SEMA4F: variants seen among roughly 807,000 people sequenced by gnomAD.
SEMA4F encodes semaphorin-4F.
SEMA4F carries 51 observed loss-of-function variants against 78.4 expected under a neutral mutation model. The observed-to-expected ratio is 0.65, with a 90% confidence interval of 0.52 to 0.82. The LOEUF (loss-of-function observed/expected upper bound fraction) is 0.82, where lower values mean the gene tolerates loss of function less well. Ranked by LOEUF, SEMA4F falls within the 40% of genes least tolerant of loss-of-function variation. The pLI is 0.00. For synonymous variants in SEMA4F, 418 were observed against 408.7 expected (o/e 1.02, Z -0.27); for missense variants, 938 against 1,014.4 (o/e 0.92, Z 1.02).
downstream of SEMA4F, among the ~76,000 whole-genome samples, chr2:74,684,113 C>A (rs1685756376): frequency 2.7e-5 from 4 of 148,554 alleles, no homozygotes; most frequent in South Asian, 8.5e-4. Context: ...TTTAACCAGA[C>A]AAAGCCTATG....
At chr2:74,654,874 C>T (rs1684041694) in intron 1 of SEMA4F, among the ~76,000 whole-genome samples, 1 of 152,188 alleles carries the variant, frequency 6.6e-6, no homozygotes, top group Non-Finnish European at 1.5e-5. Flanking sequence ...TGCCCGAGGT[C>T]GTTCATTTCG....
chr2:74,665,741 A>T (rs186904804), intron 5 of SEMA4F, among the ~76,000 whole-genome samples: 1 of 152,058 alleles, frequency 6.6e-6, no homozygotes, highest in Non-Finnish European at 1.5e-5. Context: ...TAGGTTTTTA[A>T]TCAACATCTT....
chr2:74,694,024 A>T, the SEMA4F span, among the ~76,000 whole-genome samples: 6 of 152,320 alleles, frequency 3.9e-5, no homozygotes, highest in Middle Eastern at 3.4e-3. Context: ...TTAGAGATAG[A>T]TTACTAACAG....
chr2:74,659,079 A>G (rs1684304144), intron 4 of SEMA4F, among the ~76,000 whole-genome samples: 1 of 152,128 alleles, frequency 6.6e-6, no homozygotes, highest in African/African-American at 2.4e-5. Context: ...AATGCAGGTG[A>G]TACACACTCC....
At chr2:74,659,646 AC>A in intron 4 of SEMA4F, among the ~76,000 whole-genome samples, 1 of 152,214 alleles carries the variant, frequency 6.6e-6, no homozygotes, top group South Asian at 2.1e-4. Flanking sequence ...AACTCTGGTA[AC>A]CCTTTGAGCC....
the SEMA4F span, among the ~76,000 whole-genome samples, chr2:74,698,468 C>T: frequency 3.3e-5 from 5 of 152,186 alleles, no homozygotes; most frequent in African/African-American, 9.7e-5. Context: ...GACAGCAATT[C>T]TTGTCTTCTG....
At chr2:74,688,535 C>G (rs150139), downstream of SEMA4F, among the ~76,000 whole-genome samples, 2 of 152,220 alleles carry the variant, frequency 1.3e-5, no homozygotes, top group Non-Finnish European at 2.9e-5. Context: ...AAATAATACA[C>G]ATGATTAATA....
downstream of SEMA4F, among the ~76,000 whole-genome samples, chr2:74,685,130 CCTTT>C (rs939895199): frequency 6.6e-6 from 1 of 152,230 alleles, no homozygotes; most frequent in Non-Finnish European, 1.5e-5. Flanking sequence ...TACTTCCTCT[CCTTT>C]CTTCTGTCTC....
At position 74,654,492 on chromosome 2, in the gene SEMA4F, C is replaced by T. The variant is rs1462010333; in HGVS notation, c.116C>T (p.Ser39Leu). 7 of 1,574,944 alleles carry T rather than the reference C, an allele frequency of 4.4e-6. No homozygotes were observed. Among genetic ancestry groups the T allele is most frequent in the Non-Finnish European group, 6.0e-6 (7 of 1,164,728 alleles). The change falls in exon 1 of 14, where the codon TCG becomes TTG. Residue 39 changes from serine (S) to leucine (L), a missense_variant. Ser to Leu is a moderately radical substitution (Grantham distance 145). Coordinates refer to ENST00000357877, the MANE Select transcript of SEMA4F (RefSeq NM_004263.5). ...CCGGTATCCGGCCGCGTCCCCCGCT[C>T]GGTGCCCAGAACCTCGCTTCCAATC... ...SGPVSGRVPR[S>L]VPRTSLPISE...
chr2:74,674,615 G>A lies in SEMA4F; in HGVS notation c.940G>A (p.Val314Met). ...CTCCAGTGTCCTGCAGGATGTTGCT[G>A]TGCTTCGACCTGAGCTTGGGGCAGG... is the stretch of plus-strand genomic sequence containing the variant. ...RASSVLQDVAVLRPELGAGTP... is the reference protein window; with the variant it reads ...RASSVLQDVAMLRPELGAGTP... The change falls in exon 8 of 14, where the codon GTG (valine) becomes ATG (methionine). Residue 314 changes from valine (V) to methionine (M), a missense_variant. By Grantham distance (21) the Val-to-Met change is conservative. Transcript: ENST00000357877. 6.2e-7 allele frequency: 1 copy of A among 1,614,148 alleles called. No homozygotes were observed. Among genetic ancestry groups the A allele is most frequent in the Non-Finnish European group, 8.5e-7 (1 of 1,180,022 alleles).
chr2:74,701,107 T>C, the SEMA4F span, among the ~76,000 whole-genome samples: 2 of 152,088 alleles, frequency 1.3e-5, no homozygotes, highest in Non-Finnish European at 2.9e-5. Flanking sequence ...GCTGCCTTGC[T>C]TGTGGGAGAG....
Position 74,680,395 on chromosome 2 carries a change from A to AT in SEMA4F, c.*188dup. On this transcript the variant is annotated 3_prime_UTR_variant, in exon 14 of 14. Transcript: ENST00000357877. The stretch of plus-strand genomic sequence containing the variant: ...GGGCTTGGGGCCAGACCTTTGCCTG[A>AT]TTCCTGATTCCCATGAGAAATCAGA... 1.7e-6 allele frequency: 1 copy of AT among 591,554 alleles called. No homozygotes were observed. The highest frequency in any genetic ancestry group is 2.8e-6 in the Non-Finnish European group (1 of 361,604). The allele number at this position is 591,554 out of a possible 1,614,324, so 36.6% of individuals were successfully genotyped here.
At chr2:74,665,907 T>G (rs952911830) in intron 5 of SEMA4F, among the ~76,000 whole-genome samples, 62 of 152,094 alleles carry the variant, frequency 4.1e-4, no homozygotes, top group Middle Eastern at 3.4e-3. Flanking sequence ...TTTTTGTTTT[T>G]TTTTTTTTTT....
chr2:74,659,734 C>T (rs932623433), intron 4 of SEMA4F, among the ~76,000 whole-genome samples: 3 of 152,224 alleles, frequency 2.0e-5, no homozygotes, highest in Non-Finnish European at 4.4e-5. Flanking sequence ...CCAGCAGCCC[C>T]AGTCTGCTTG....
intron 5 of SEMA4F, among the ~76,000 whole-genome samples, chr2:74,664,386 TTTAG>T (rs1253944493): frequency 1.3e-5 from 2 of 151,984 alleles, no homozygotes; most frequent in African/African-American, 2.4e-5. Context: ...TTTATATAAA[TTTAG>T]TTAGTTCAAA....
At chr2:74,662,391 A>T (rs1438378057) in intron 4 of SEMA4F, among the ~76,000 whole-genome samples, 1 of 152,130 alleles carries the variant, frequency 6.6e-6, no homozygotes, top group Non-Finnish European at 1.5e-5. Flanking sequence ...CAAACCCTAC[A>T]GTTCAGCAGT....
Position 74,683,292 on chromosome 2 carries a change from A to T in SEMA4F, c.*3083A>T, listed in dbSNP as rs1348771057. 1.3e-5 allele frequency: 2 copies of T among 152,186 alleles called. No individual in the cohort carries two copies. Among genetic ancestry groups the T allele is most frequent in the East Asian group, 1.9e-4 (1 of 5,188 alleles). 9.4% of individuals were successfully genotyped at this position (152,186 alleles called of 1,614,324 possible). The stretch of plus-strand genomic sequence containing the variant: ...TCAAGTAAGGGCCACTAATCACCTC[A>T]CATGGGTTCATCTGAACTTTATGCC... On this transcript the variant is annotated 3_prime_UTR_variant, in exon 14 of 14. Coordinates refer to ENST00000357877, the MANE Select transcript of SEMA4F (RefSeq NM_004263.5).
the SEMA4F span, among the ~76,000 whole-genome samples, chr2:74,695,209 A>G: frequency 2.0e-5 from 3 of 152,226 alleles, no homozygotes; most frequent in Non-Finnish European, 4.4e-5. Flanking sequence ...ACACTCAGCC[A>G]GATGTGAGTC....
chr2:74,708,923 T>C, the SEMA4F span, among the ~76,000 whole-genome samples: 1 of 152,124 alleles, frequency 6.6e-6, no homozygotes, highest in Non-Finnish European at 1.5e-5. Flanking sequence ...ACCAGCACTT[T>C]GGGGTGCTGA....
Sources: gnomAD v4.1 joint callset for allele counts (sites outside exome capture counted in the v4.1 genomes callset) on GRCh38, gnomAD v4.1.1 for gene constraint, MANE v1.5 for transcripts, NCBI Gene and HGNC (gene_info 2026-07-23, HGNC 2026-07-21) for gene names.